Variants in BTBD9 observed in about 807,000 individuals in gnomAD.
The protein encoded by BTBD9 is BTB domain containing 9.
Under a neutral mutation model 64.3 loss-of-function variants are expected in BTBD9, and 49 were observed. That is an observed-to-expected ratio of 0.76 (90% CI 0.61 to 0.97). The LOEUF is 0.97. Ranked by LOEUF, BTBD9 falls within the 50% of genes least tolerant of loss-of-function variation. The pLI, the probability that BTBD9 is intolerant of heterozygous loss-of-function variation, is 0.00. For missense variants in BTBD9, 598 were observed against 762.1 expected (o/e 0.78, Z 2.53); for synonymous variants, 260 against 274.7 (o/e 0.95, Z 0.53).
intron 6 of BTBD9, among the ~76,000 whole-genome samples, chr6:38,514,433 A>C (rs890391159): frequency 6.6e-6 from 1 of 152,194 alleles, no homozygotes; most frequent in Non-Finnish European, 1.5e-5. Context: ...TTTTTTCAAG[A>C]ACCTTCAGAT....
intron 9 of BTBD9, among the ~76,000 whole-genome samples, chr6:38,217,773 T>TG (rs1763061193): frequency 6.6e-6 from 1 of 151,832 alleles, no homozygotes; most frequent in Non-Finnish European, 1.5e-5. Flanking sequence ...CGCATGGCCT[T>TG]GGGCAAATCA....
intron 6 of BTBD9, among the ~76,000 whole-genome samples, chr6:38,432,325 GC>G (rs1768478405): frequency 6.6e-6 from 1 of 151,952 alleles, no homozygotes; most frequent in South Asian, 2.1e-4. Context: ...ACTTCATCTT[GC>G]CTCTAGCCTC....
chr6:38,572,476 T>C (rs1178846430), intron 6 of BTBD9, among the ~76,000 whole-genome samples: 1 of 152,164 alleles, frequency 6.6e-6, no homozygotes, highest in Non-Finnish European at 1.5e-5. Flanking sequence ...TATGATACCC[T>C]TTCTTTTTTC....
At chr6:38,563,015 T>C (rs1049399906) in intron 6 of BTBD9, among the ~76,000 whole-genome samples, 1 of 152,160 alleles carries the variant, frequency 6.6e-6, no homozygotes, top group African/African-American at 2.4e-5. Context: ...CTCATCTACT[T>C]GATCTGCCAC....
At chr6:38,203,889 T>C (rs1034734269) in intron 9 of BTBD9, among the ~76,000 whole-genome samples, 2 of 152,078 alleles carry the variant, frequency 1.3e-5, no homozygotes, top group Non-Finnish European at 2.9e-5. Context: ...TATTTCAAAG[T>C]AGCTAAAAGG....
intron 7 of BTBD9, among the ~76,000 whole-genome samples, chr6:38,306,610 C>T (rs1002978155): frequency 6.6e-6 from 1 of 152,218 alleles, no homozygotes; most frequent in African/African-American, 2.4e-5. Context: ...TCTGTTCTTA[C>T]AAAGCACCAG....
chr6:38,414,475 T>G (rs1369192829), intron 6 of BTBD9, among the ~76,000 whole-genome samples: 1 of 152,182 alleles, frequency 6.6e-6, no homozygotes. Context: ...AACCATATAT[T>G]ATTTTTTAAA....
At chr6:38,361,823 A>G (rs1233726836) in intron 6 of BTBD9, among the ~76,000 whole-genome samples, 2 of 150,798 alleles carry the variant, frequency 1.3e-5, no homozygotes, top group African/African-American at 2.4e-5. Flanking sequence ...CTGGGCAACA[A>G]GAGTGAAACT....
intron 1 of BTBD9, among the ~76,000 whole-genome samples, chr6:38,629,717 G>A (rs1193207484): frequency 1.3e-5 from 2 of 152,092 alleles, no homozygotes; most frequent in South Asian, 2.1e-4. Flanking sequence ...AGCTACTAGG[G>A]AGGCTGAGGC....
At chr6:38,233,806 A>G (rs1321348093) in intron 9 of BTBD9, among the ~76,000 whole-genome samples, 2 of 152,222 alleles carry the variant, frequency 1.3e-5, no homozygotes, top group African/African-American at 4.8e-5. Context: ...TGCATGCATA[A>G]TGTACTGAAA....
intron 6 of BTBD9, among the ~76,000 whole-genome samples, chr6:38,554,342 C>T (rs1181850694): frequency 6.6e-6 from 1 of 152,210 alleles, no homozygotes; most frequent in Non-Finnish European, 1.5e-5. Flanking sequence ...GTGACTAATT[C>T]AACCCCTCTC....
In BTBD9 at chr6:38,588,394, C is replaced by T. The variant is rs150899630; in HGVS notation, c.814+4182G>A. The T allele has an allele frequency of 7.0e-4, 579 of 827,378 alleles. 7 individuals carry two copies. In the African/African-American group the frequency reaches 8.6e-3, roughly 12 times the overall value. The allele number at this position is 827,378 out of a possible 1,614,324, so 51.3% of individuals were successfully genotyped here. ...TCAACCTAGAATGGCTCCAAGCCAA[C>T]CTGGGGCCTATAGACCAAGATCAAG... On this transcript the variant is annotated intron_variant, in intron 4 of 10. Transcript: ENST00000481247.
chr6:38,514,454 G>T (rs887328937), intron 6 of BTBD9, among the ~76,000 whole-genome samples: 1 of 151,974 alleles, frequency 6.6e-6, no homozygotes, highest in Non-Finnish European at 1.5e-5. Context: ...AATATATGCT[G>T]CTCAAATTGA....
intron 6 of BTBD9, among the ~76,000 whole-genome samples, chr6:38,511,687 T>C (rs912435017): frequency 6.6e-6 from 1 of 152,088 alleles, no homozygotes; most frequent in Non-Finnish European, 1.5e-5. Context: ...ATTATGATGA[T>C]TAACTTCATA....
intron 10 of BTBD9, among the ~76,000 whole-genome samples, chr6:38,187,095 T>C (rs1428410450): frequency 6.6e-6 from 1 of 152,194 alleles, no homozygotes. Flanking sequence ...AGATAATTAG[T>C]AACATGAAAT....
chr6:38,247,353 T>C (rs566892264), intron 9 of BTBD9, among the ~76,000 whole-genome samples: 1 of 152,288 alleles, frequency 6.6e-6, no homozygotes, highest in East Asian at 1.9e-4. Flanking sequence ...AAATAGCAGA[T>C]ACAGAAACAG....
chr6:38,503,316 C>G (rs565383999), intron 6 of BTBD9, among the ~76,000 whole-genome samples: 66 of 152,224 alleles, frequency 4.3e-4, no homozygotes, highest in Non-Finnish European at 7.1e-4. Flanking sequence ...CTGCCCTCCC[C>G]CTTCTCTCCA....
chr6:38,502,057 A>T (rs1034977159), intron 6 of BTBD9, among the ~76,000 whole-genome samples: 44 of 152,312 alleles, frequency 2.9e-4, no homozygotes, highest in African/African-American at 1.0e-3. Flanking sequence ...CCTGGTGTCA[A>T]TGAGAAGCTG....
rs190693499 is a variant in BTBD9 at position 38,197,797 on chromosome 6, C to T, written c.1563-5200G>A. Among the ~76,000 whole-genome samples the T allele has an allele frequency of 2.2e-3, 338 of 152,328 alleles. 1 individual carries two copies. The highest frequency in any genetic ancestry group is 7.9e-3 in the African/African-American group (330 of 41,564). ...AAAAAGATCTAAAACAGAAGCCTTG[C>T]TCAAAAGCAAGTTAGAGGACAATAT... is the stretch of plus-strand genomic sequence containing the variant. On this transcript the variant is annotated intron_variant, in intron 9 of 10. Transcript: ENST00000481247.
Sources: allele counts gnomAD v4.1 joint callset (sites outside exome capture counted in the v4.1 genomes callset), GRCh38; gene constraint gnomAD v4.1.1; transcripts MANE v1.5; gene names NCBI Gene and HGNC (gene_info 2026-07-23, HGNC 2026-07-21).